GALNT14: variants seen among roughly 807,000 people sequenced by gnomAD.
GALNT14 encodes the protein UDP-GalNAc:polypeptide N-acetylgalactosaminyltransferase 14.
GALNT14 carries 60 observed loss-of-function variants against 77.5 expected under a neutral mutation model. That is an observed-to-expected ratio of 0.77 (90% confidence interval 0.63 to 0.96). The LOEUF is 0.96. GALNT14 is among the 40% of genes least tolerant of loss of function. The pLI is 0.00. For missense variants in GALNT14, 710 were observed against 731.0 expected (o/e 0.97, Z 0.33); for synonymous variants, 280 against 281.7 (o/e 0.99, Z 0.06).
chr2:30,955,175 C>T (rs538890123), intron 6 of GALNT14, among the ~76,000 whole-genome samples: 1 of 151,980 alleles, frequency 6.6e-6, no homozygotes, highest in African/African-American at 2.4e-5. Context: ...CTTGGTGTAG[C>T]CTTTGGGTGA....
At chr2:31,075,314 A>G (rs555657846) in intron 1 of GALNT14, among the ~76,000 whole-genome samples, 3 of 152,348 alleles carry the variant, frequency 2.0e-5, no homozygotes, top group Non-Finnish European at 4.4e-5. Context: ...TTTCCTTTAT[A>G]AAGTGCCCAG....
At chr2:31,045,136 G>A (rs1015909065) in intron 1 of GALNT14, among the ~76,000 whole-genome samples, 1 of 152,164 alleles carries the variant, frequency 6.6e-6, no homozygotes, top group Non-Finnish European at 1.5e-5. Context: ...GCAGGGATGA[G>A]ACTACTGAAG....
At chr2:30,950,242 C>T (rs538679944) in intron 6 of GALNT14, among the ~76,000 whole-genome samples, 6 of 150,262 alleles carry the variant, frequency 4.0e-5, no homozygotes, top group African/African-American at 1.2e-4. Context: ...TAAAGAACTA[C>T]GTGGATAAGG....
intron 1 of GALNT14, among the ~76,000 whole-genome samples, chr2:31,109,286 G>A (rs1047930110): frequency 6.6e-6 from 1 of 152,158 alleles, no homozygotes; most frequent in African/African-American, 2.4e-5. Flanking sequence ...TGAAAGAGTG[G>A]AGGAAGTGAC....
At chr2:31,042,422 C>T (rs941693850) in intron 1 of GALNT14, among the ~76,000 whole-genome samples, 2 of 152,134 alleles carry the variant, frequency 1.3e-5, no homozygotes, top group Non-Finnish European at 2.9e-5. Flanking sequence ...GACAAGATGA[C>T]ATCTGAATTG....
chr2:31,058,983 T>C (rs1674416371), intron 1 of GALNT14, among the ~76,000 whole-genome samples: 2 of 152,166 alleles, frequency 1.3e-5, no homozygotes, highest in African/African-American at 4.8e-5. Context: ...GAGAGGCCCT[T>C]CCACTGAGAA....
In GALNT14 at chr2:30,910,953, T is replaced by A. The variant is rs777248765; in HGVS notation, c.1607A>T (p.Asn536Ile). The change falls in exon 15 of 15, where the codon AAC becomes ATC. Residue 536 changes from asparagine (N) to isoleucine (I), a missense_variant. Asn to Ile is a moderately radical substitution (Grantham distance 149, BLOSUM62 -3). Transcript: ENST00000349752. ...GTENGKEIVV[N>I]PCESSLMSQH... ...GCTCATGAGTGAGGACTCACATGGG[T>A]TGACGACGATTTCCTTGCCGTTCTC... is the stretch of plus-strand genomic sequence containing the variant. 1.2e-6 allele frequency: 2 copies of A among 1,613,612 alleles called. No homozygotes were observed. The highest frequency in any genetic ancestry group is 1.7e-6 in the Non-Finnish European group (2 of 1,179,924).
intron 13 of GALNT14, among the ~76,000 whole-genome samples, chr2:30,914,017 G>C (rs913718758): frequency 3.3e-5 from 5 of 152,176 alleles, no homozygotes; most frequent in African/African-American, 9.7e-5. Flanking sequence ...AAGCTGAAAG[G>C]GGAAACAAGT....
intron 1 of GALNT14, among the ~76,000 whole-genome samples, chr2:31,033,756 A>G (rs1203280943): frequency 6.6e-6 from 1 of 151,904 alleles, no homozygotes; most frequent in Non-Finnish European, 1.5e-5. Context: ...TTTCCCCGAG[A>G]TATGCAGGTG....
At chr2:31,125,238 A>G (rs1678648200) in intron 1 of GALNT14, 2 of 1,550,432 alleles carry the variant, frequency 1.3e-6, no homozygotes, top group African/African-American at 1.4e-5. Flanking sequence ...GCCACCTTGA[A>G]AAACAAGGAC....
At chr2:31,001,517 A>G (rs1018859527) in intron 1 of GALNT14, among the ~76,000 whole-genome samples, 1 of 152,230 alleles carries the variant, frequency 6.6e-6, no homozygotes, top group African/African-American at 2.4e-5. Flanking sequence ...GGTCCAGATC[A>G]GTTGTACCCT....
At chr2:30,960,546 C>A (rs1322689666) in intron 3 of GALNT14, among the ~76,000 whole-genome samples, 1 of 152,052 alleles carries the variant, frequency 6.6e-6, no homozygotes, top group East Asian at 1.9e-4. Context: ...CGTGGTAACA[C>A]CTGGCTTGTT....
At position 31,030,584 on chromosome 2, in the gene GALNT14, C is replaced by A. The variant is rs542192603; in HGVS notation, c.130-37577G>T. 2.6e-5 allele frequency among the ~76,000 whole-genome samples: 4 copies of A among 152,282 alleles called. No individual in the cohort carries two copies. In the East Asian group the frequency reaches 7.7e-4, roughly 29 times the overall value. ...TTCTATCACCATTCACAGGAGGATA[C>A]CCAGAAGCACTGGCAAAACCTCAAA... is the stretch of plus-strand genomic sequence containing the variant. On this transcript the variant is annotated intron_variant, in intron 1 of 14. Coordinates refer to ENST00000349752, the MANE Select transcript of GALNT14 (RefSeq NM_024572.4).
chr2:31,066,974 C>T (rs1185180297), intron 1 of GALNT14, among the ~76,000 whole-genome samples: 3 of 152,220 alleles, frequency 2.0e-5, no homozygotes, highest in Admixed American at 2.0e-4. Context: ...GCCTGGACAT[C>T]AGCCTTTCCC....
At position 30,978,167 on chromosome 2, in the gene GALNT14, C is replaced by T. The variant is rs559903612; in HGVS notation, c.300-11865G>A. 8.5e-5 allele frequency among the ~76,000 whole-genome samples: 13 copies of T among 152,368 alleles called. 1 individual carries two copies. In the South Asian group the frequency reaches 2.7e-3, roughly 32 times the overall value. ...AAACCAGCCCAGTCACTGCCCTTGA[C>T]TGTACCTGTGTCACAACCTCCACAA... On this transcript the variant is annotated intron_variant, in intron 2 of 14. Coordinates refer to ENST00000349752, the MANE Select transcript of GALNT14 (RefSeq NM_024572.4).
At chr2:30,938,435 C>CA (rs1245905680) in intron 9 of GALNT14, among the ~76,000 whole-genome samples, 1 of 150,852 alleles carries the variant, frequency 6.6e-6, no homozygotes, top group African/African-American at 2.4e-5. Flanking sequence ...CTCTAAAGAC[C>CA]AAAAGCTAAA....
intron 1 of GALNT14, among the ~76,000 whole-genome samples, chr2:31,069,307 C>T (rs1675194634): frequency 6.6e-6 from 1 of 152,300 alleles, no homozygotes; most frequent in Admixed American, 6.5e-5. Context: ...AGGAAGGTGA[C>T]ATTCTGTGTT....
At chr2:31,041,356 G>C (rs1673082720) in intron 1 of GALNT14, among the ~76,000 whole-genome samples, 1 of 152,142 alleles carries the variant, frequency 6.6e-6, no homozygotes, top group East Asian at 1.9e-4. Context: ...TCTGCCTGAA[G>C]ACAGAGAAGG....
intron 1 of GALNT14, among the ~76,000 whole-genome samples, chr2:31,051,185 A>T (rs1673841982): frequency 6.6e-6 from 1 of 152,166 alleles, no homozygotes; most frequent in Non-Finnish European, 1.5e-5. Context: ...AGGGACTAAC[A>T]GGCCCAGCGG....
Sources: allele counts gnomAD v4.1 joint callset (sites outside exome capture counted in the v4.1 genomes callset), GRCh38; gene constraint gnomAD v4.1.1; transcripts MANE v1.5; gene names NCBI Gene and HGNC (gene_info 2026-07-23, HGNC 2026-07-21).